The following MAML2 variants were observed in gnomAD, a reference collection of about 807,000 sequenced individuals.
MAML2 encodes the protein mastermind like transcriptional coactivator 2.
Under a neutral mutation model 96.1 loss-of-function variants are expected in MAML2, and 22 were observed. The observed-to-expected ratio is 0.23, with a 90% CI of 0.16 to 0.33. The LOEUF (loss-of-function observed/expected upper bound fraction) is 0.33. MAML2 is among the 10% of genes least tolerant of loss of function. The pLI, the probability that MAML2 is intolerant of heterozygous loss-of-function variation, is 1.00. For missense variants in MAML2, 1,367 were observed against 1,392.4 expected (o/e 0.98, Z 0.29); for synonymous variants, 561 against 521.3 (o/e 1.08, Z -1.04).
At chr11:96,155,540 ATATATATATATG>A (rs1415674089) in intron 1 of MAML2, among the ~76,000 whole-genome samples, 1 of 100,008 alleles carries the variant, frequency 1.0e-5, no homozygotes, top group Non-Finnish European at 2.1e-5. Flanking sequence ...ATATATATAT[ATATATATATATG>A]AGGAAAGTCT....
chr11:96,270,871 C>T (rs529660039), intron 1 of MAML2, among the ~76,000 whole-genome samples: 4 of 152,262 alleles, frequency 2.6e-5, no homozygotes, highest in Admixed American at 6.5e-5. Flanking sequence ...GTCAGTGGAT[C>T]GGGAAAGGCA....
chr11:96,189,383 C>T (rs560906619), intron 1 of MAML2, among the ~76,000 whole-genome samples: 13 of 152,282 alleles, frequency 8.5e-5, no homozygotes, highest in Non-Finnish European at 1.5e-4. Context: ...AATAGTTACT[C>T]CTAGAAGAGA....
chr11:96,076,552 C>T (rs944339603), intron 2 of MAML2, among the ~76,000 whole-genome samples: 14 of 152,022 alleles, frequency 9.2e-5, no homozygotes, highest in Non-Finnish European at 1.3e-4. Context: ...AGGGAAGCCT[C>T]GGCATCTGAA....
intron 1 of MAML2, among the ~76,000 whole-genome samples, chr11:96,295,364 AATTTGTAAGCCCAGATTCACACCAAGTGC>A (rs1863278574): frequency 6.6e-6 from 1 of 152,178 alleles, no homozygotes; most frequent in Non-Finnish European, 1.5e-5. Flanking sequence ...TTTTCAAATT[AATTTGTAAGCCCAGATTCACACCAAGTGC>A]ATTTAAAACC....
At chr11:96,153,374 C>G (rs1860956547) in intron 1 of MAML2, among the ~76,000 whole-genome samples, 1 of 152,136 alleles carries the variant, frequency 6.6e-6, no homozygotes. Context: ...CCTTACCCTG[C>G]CTCTTCCTAA....
At chr11:96,128,037 G>C (rs1000505112) in intron 1 of MAML2, among the ~76,000 whole-genome samples, 1 of 152,174 alleles carries the variant, frequency 6.6e-6, no homozygotes, top group Non-Finnish European at 1.5e-5. Flanking sequence ...TGTAGATTCT[G>C]ATTCAGCAGG....
At chr11:96,043,628 T>C (rs752967140) in intron 2 of MAML2, among the ~76,000 whole-genome samples, 4 of 152,250 alleles carry the variant, frequency 2.6e-5, no homozygotes, top group Non-Finnish European at 4.4e-5. Flanking sequence ...CCCTGTTCAT[T>C]TCCTCTGGTT....
At chr11:96,337,363 A>G (rs556655119) in intron 1 of MAML2, among the ~76,000 whole-genome samples, 1 of 152,362 alleles carries the variant, frequency 6.6e-6, no homozygotes, top group Admixed American at 6.5e-5. Context: ...AAAAATAACC[A>G]GGGTACTCTG....
At position 96,121,252 on chromosome 11, in the gene MAML2, T is replaced by C. The variant is rs887415812; in HGVS notation, c.514-27735A>G. ...CTCAGAGTCTCTGGCACCCCAGTGG[T>C]CTCAGATCTTGGTCAGAAATAAGCA... On this transcript the variant is annotated intron_variant, in intron 1 of 4. Transcript: ENST00000524717. Among the ~76,000 whole-genome samples, 6 of 152,242 alleles carry C rather than the reference T, an allele frequency of 3.9e-5. No individual in the cohort carries two copies. The South Asian group carries it at 8.3e-4, about 21-fold the overall frequency.
At chr11:96,036,468 T>C (rs930679949) in intron 2 of MAML2, among the ~76,000 whole-genome samples, 7 of 152,230 alleles carry the variant, frequency 4.6e-5, no homozygotes, top group African/African-American at 1.7e-4. Flanking sequence ...TCAGAGCCCC[T>C]GGAACAGGTC....
At chr11:96,058,571 A>G (rs10831472) in intron 2 of MAML2, among the ~76,000 whole-genome samples, 78,299 of 151,904 alleles carry the variant, frequency 0.52, 21,241 homozygotes, top group East Asian at 0.63. Context: ...CACCCACCTC[A>G]GCCTCCCAAA....
chr11:96,150,947 C>A (rs1860910259), intron 1 of MAML2, among the ~76,000 whole-genome samples: 1 of 152,178 alleles, frequency 6.6e-6, no homozygotes. Context: ...CATCTTAAGC[C>A]CCTCCCTAGA....
At chr11:95,984,389 G>T (rs1422311777) in intron 4 of MAML2, among the ~76,000 whole-genome samples, 1 of 152,156 alleles carries the variant, frequency 6.6e-6, no homozygotes. Context: ...ATCAACTAGA[G>T]AATCCTGTTT....
At chr11:96,142,169 C>CCTAA (rs914504614) in intron 1 of MAML2, among the ~76,000 whole-genome samples, 2 of 152,092 alleles carry the variant, frequency 1.3e-5, no homozygotes, top group Non-Finnish European at 2.9e-5. Context: ...ATGAGGGGCA[C>CCTAA]CTAACCCCTC....
chr11:96,337,635 G>A (rs1003926951), intron 1 of MAML2, among the ~76,000 whole-genome samples: 3 of 152,116 alleles, frequency 2.0e-5, no homozygotes, highest in African/African-American at 7.2e-5. Flanking sequence ...ATACGGATAC[G>A]TCAGTCTTAT....
At chr11:96,331,817 C>CA (rs200355506) in intron 1 of MAML2, among the ~76,000 whole-genome samples, 23,665 of 74,098 alleles carry the variant, frequency 0.32, 2,784 homozygotes, top group African/African-American at 0.43. Flanking sequence ...GACTCCATCT[C>CA]AAAAAAAAAA....
intron 1 of MAML2, among the ~76,000 whole-genome samples, chr11:96,257,796 A>G (rs1862689196): frequency 6.6e-6 from 1 of 152,190 alleles, no homozygotes; most frequent in Non-Finnish European, 1.5e-5. Context: ...TGGGAAGAAG[A>G]GGAGAGACGA....
At chr11:96,232,818 G>T (rs764122888) in intron 1 of MAML2, among the ~76,000 whole-genome samples, 2 of 152,174 alleles carry the variant, frequency 1.3e-5, no homozygotes, top group Non-Finnish European at 2.9e-5. Flanking sequence ...AGATATGGAG[G>T]CCAGAATGCT....
intron 1 of MAML2, among the ~76,000 whole-genome samples, chr11:96,278,544 G>C (rs1863021378): frequency 6.6e-6 from 1 of 152,110 alleles, no homozygotes; most frequent in South Asian, 2.1e-4. Flanking sequence ...TATTATGAAG[G>C]GGTGAAGCAA....
Sources: allele counts gnomAD v4.1 joint callset (sites outside exome capture counted in the v4.1 genomes callset), GRCh38; gene constraint gnomAD v4.1.1; transcripts MANE v1.5; gene names NCBI Gene and HGNC (gene_info 2026-07-23, HGNC 2026-07-21).